SORCS3: variants seen among roughly 807,000 people sequenced by gnomAD.
The protein encoded by SORCS3 is sortilin related VPS10 domain containing receptor 3.
A neutral mutation model predicts 146.3 loss-of-function variants in SORCS3; 57 were observed. The ratio of observed to expected loss-of-function variants is 0.39; its 90% CI spans 0.31 to 0.49. The LOEUF (loss-of-function observed/expected upper bound fraction) is 0.49. Ranked by LOEUF, SORCS3 falls within the 20% of genes least tolerant of loss-of-function variation. The pLI, the probability that SORCS3 is intolerant of heterozygous loss-of-function variation, is 0.92. For synonymous variants in SORCS3, 653 were observed against 618.5 expected (o/e 1.06, Z -0.83); for missense variants, 1,341 against 1,575.5 (o/e 0.85, Z 2.52).
At chr10:104,777,862 A>G (rs1205146023) in intron 1 of SORCS3, among the ~76,000 whole-genome samples, 1 of 152,170 alleles carries the variant, frequency 6.6e-6, no homozygotes, top group Non-Finnish European at 1.5e-5. Context: ...TTGCCCACGC[A>G]TTTGAGTTAT....
At chr10:104,817,480 C>CG (rs1298077138) in intron 1 of SORCS3, among the ~76,000 whole-genome samples, 13 of 92,272 alleles carry the variant, frequency 1.4e-4, no homozygotes, top group African/African-American at 5.6e-4. Context: ...TTCCTCCTCT[C>CG]CTTCTCCCTC....
At chr10:104,829,976 C>T (rs2133536075) in intron 1 of SORCS3, among the ~76,000 whole-genome samples, 1 of 152,220 alleles carries the variant, frequency 6.6e-6, no homozygotes, top group East Asian at 1.9e-4. Flanking sequence ...TGGTGGTTTG[C>T]TGCACCTGTC....
intron 4 of SORCS3, among the ~76,000 whole-genome samples, chr10:104,988,990 C>G (rs2054978698): frequency 6.6e-6 from 1 of 152,180 alleles, no homozygotes; most frequent in Non-Finnish European, 1.5e-5. Flanking sequence ...AGCAAAGAAG[C>G]ACCCTTCTCA....
intron 7 of SORCS3, among the ~76,000 whole-genome samples, chr10:105,135,466 G>C (rs1166115740): frequency 6.6e-6 from 1 of 152,166 alleles, no homozygotes; most frequent in Admixed American, 6.6e-5. Context: ...CCTTCTAGCT[G>C]TACTAATTTT....
intron 1 of SORCS3, among the ~76,000 whole-genome samples, chr10:104,816,489 C>T (rs2017799215): frequency 6.6e-6 from 1 of 152,170 alleles, no homozygotes; most frequent in Non-Finnish European, 1.5e-5. Context: ...ATAGAATGTG[C>T]CTTATCACTT....
intron 4 of SORCS3, among the ~76,000 whole-genome samples, chr10:105,042,166 C>T (rs1030035118): frequency 3.9e-5 from 6 of 152,174 alleles, no homozygotes; most frequent in African/African-American, 1.2e-4. Flanking sequence ...AGGGTAGAGA[C>T]ATGCCAACCA....
Position 105,262,391 on chromosome 10 carries a change from T to G in SORCS3, c.3504T>G (p.Ile1168Met). 1.2e-6 allele frequency: 2 copies of G among 1,614,034 alleles called. No individual in the cohort carries two copies. Among genetic ancestry groups the G allele is most frequent in the South Asian group, 1.1e-5 (1 of 91,070 alleles). The change falls in exon 26 of 27, where the codon ATT becomes ATG. Residue 1168 changes from isoleucine to methionine, a missense_variant. Coordinates refer to ENST00000369701, the MANE Select transcript of SORCS3 (RefSeq NM_014978.3). ...AACACGACAAGGAGCAGGAGATGATTGGGTCAGTGAGCCAAAGTGAAAACG... is the reference window on the plus strand; with the variant it reads ...AACACGACAAGGAGCAGGAGATGATGGGGTCAGTGAGCCAAAGTGAAAACG... ...QVQHDKEQEM[I>M]GSVSQSENAP... is the part of the protein sequence containing the mutation.
intron 4 of SORCS3, among the ~76,000 whole-genome samples, chr10:104,995,437 C>T (rs1192719813): frequency 3.3e-5 from 5 of 152,152 alleles, no homozygotes; most frequent in African/African-American, 9.7e-5. Context: ...GGATTACAGG[C>T]TTGAGCCACC....
chr10:104,836,653 C>A (rs1159035411), intron 1 of SORCS3, among the ~76,000 whole-genome samples: 2 of 152,116 alleles, frequency 1.3e-5, no homozygotes, highest in Non-Finnish European at 2.9e-5. Context: ...AGCTTTTAAT[C>A]AAATCATTAC....
At chr10:105,077,521 AACACACACACACAC>A (rs60182481) in intron 5 of SORCS3, among the ~76,000 whole-genome samples, 1 of 116,582 alleles carries the variant, frequency 8.6e-6, no homozygotes, top group Non-Finnish European at 1.8e-5. Flanking sequence ...GACTAAATTA[AACACACACACACAC>A]ACACACACAC....
chr10:104,962,007 A>C (rs558282421), intron 3 of SORCS3, among the ~76,000 whole-genome samples: 1 of 152,102 alleles, frequency 6.6e-6, no homozygotes, highest in South Asian at 2.1e-4. Flanking sequence ...ACGTAAAATA[A>C]CCAATATTTT....
intron 1 of SORCS3, among the ~76,000 whole-genome samples, chr10:104,828,395 C>T (rs1346590538): frequency 6.6e-6 from 1 of 152,106 alleles, no homozygotes; most frequent in Non-Finnish European, 1.5e-5. Flanking sequence ...AACAGCCGAT[C>T]AGTGGAGCAG....
At chr10:104,799,927 C>G (rs748259265) in intron 1 of SORCS3, among the ~76,000 whole-genome samples, 4 of 152,078 alleles carry the variant, frequency 2.6e-5, no homozygotes, top group Non-Finnish European at 5.9e-5. Context: ...CTGCCCGCCT[C>G]AGCCTCTCAA....
intron 3 of SORCS3, among the ~76,000 whole-genome samples, chr10:104,926,041 G>T (rs2019141034): frequency 6.6e-6 from 1 of 152,202 alleles, no homozygotes; most frequent in Non-Finnish European, 1.5e-5. Context: ...TGGAAGCCAG[G>T]GTCCGGCTGC....
intron 1 of SORCS3, among the ~76,000 whole-genome samples, chr10:104,658,903 T>G (rs919154170): frequency 3.3e-5 from 5 of 152,084 alleles, no homozygotes; most frequent in Non-Finnish European, 7.4e-5. Context: ...AAACTGAAAT[T>G]GGAGGACTAG....
intron 2 of SORCS3, among the ~76,000 whole-genome samples, chr10:104,853,079 C>G (rs2018291003): frequency 6.6e-6 from 1 of 152,218 alleles, no homozygotes. Flanking sequence ...GCGGGCGGAT[C>G]ACAAAGTCAG....
intron 13 of SORCS3, among the ~76,000 whole-genome samples, chr10:105,169,047 T>C (rs1342114493): frequency 6.6e-6 from 1 of 152,186 alleles, no homozygotes. Context: ...TTCCAGGCAC[T>C]GTTCTAAACC....
At chr10:104,841,918 G>A (rs1291108788) in intron 1 of SORCS3, among the ~76,000 whole-genome samples, 1 of 152,186 alleles carries the variant, frequency 6.6e-6, no homozygotes, top group South Asian at 2.1e-4. Flanking sequence ...GATTAAAATC[G>A]ATTCAGGTGC....
At chr10:104,663,164 C>T (rs900340698) in intron 1 of SORCS3, among the ~76,000 whole-genome samples, 6 of 152,288 alleles carry the variant, frequency 3.9e-5, no homozygotes, top group African/African-American at 1.4e-4. Flanking sequence ...TCCATCATTA[C>T]AGCAGCCAGT....
Sources: allele counts gnomAD v4.1 joint callset (sites outside exome capture counted in the v4.1 genomes callset), GRCh38; gene constraint gnomAD v4.1.1; transcripts MANE v1.5; gene names NCBI Gene and HGNC (gene_info 2026-07-23, HGNC 2026-07-21).